AK3: variants seen among roughly 807,000 people sequenced by gnomAD.
AK3 encodes GTP:AMP phosphotransferase AK3, mitochondrial.
A neutral mutation model predicts 23.7 loss-of-function variants in AK3; 27 were observed. That is an observed-to-expected ratio of 1.14 (90% CI 0.84 to 1.57). The LOEUF (loss-of-function observed/expected upper bound fraction) is 1.57, where lower values mean the gene tolerates loss of function less well. Among genes scored for constraint, AK3 ranks in the 40% most tolerant of loss-of-function variants. The probability of loss-of-function intolerance (pLI) is 0.00; values close to 1 mark genes in which losing one functional copy is unlikely to be tolerated. For missense variants in AK3, 406 were observed against 285.6 expected, an observed-to-expected ratio of 1.42 and a Z score of -3.04; for synonymous variants, 159 against 116.0, an observed-to-expected ratio of 1.37 and a Z score of -2.38.
chr9:4,720,651 T>G (rs942067024), intron 2 of AK3, among the ~76,000 whole-genome samples: 1 of 149,026 alleles, frequency 6.7e-6, no homozygotes, highest in Non-Finnish European at 1.5e-5. Flanking sequence ...GATGACTCCA[T>G]TGCACTGCAG....
intron 1 of AK3, among the ~76,000 whole-genome samples, chr9:4,738,533 A>T (rs1338769925): frequency 6.6e-6 from 1 of 151,960 alleles, no homozygotes; most frequent in African/African-American, 2.4e-5. Flanking sequence ...ATAAAAAAGT[A>T]ACCTATCATT....
At position 4,712,860 on chromosome 9, in the gene AK3, AG is replaced by A; in HGVS notation, c.*115del. The A allele has an allele frequency of 8.5e-7, 1 of 1,177,126 alleles. No homozygotes were observed. Among genetic ancestry groups the A allele is most frequent in the Non-Finnish European group, 1.2e-6 (1 of 853,370 alleles). The allele number at this position is 1,177,126 out of a possible 1,614,324, so 72.9% of individuals were successfully genotyped here. ...CCAAAATAAAATCAGTAGAAATAAA[AG>A]TAATATAATTTTCAAAGAATTCATA... On this transcript the variant is annotated 3_prime_UTR_variant, in exon 5 of 5. Coordinates refer to ENST00000381809, the MANE Select transcript of AK3 (RefSeq NM_016282.4).
chr9:4,730,447 T>G (rs1212519723), intron 1 of AK3, among the ~76,000 whole-genome samples: 1 of 152,182 alleles, frequency 6.6e-6, no homozygotes, highest in Non-Finnish European at 1.5e-5. Flanking sequence ...GAGATAATTA[T>G]TATTAATGAT....
At chr9:4,740,620 C>T (rs923849534) in intron 1 of AK3, among the ~76,000 whole-genome samples, 2 of 152,232 alleles carry the variant, frequency 1.3e-5, no homozygotes, top group South Asian at 2.1e-4. Context: ...TCGATGGACC[C>T]CCAAGAGTGG....
chr9:4,719,045 A>AGG, intron 3 of AK3, 90 bp downstream of exon 3: 1 of 1,263,170 alleles, frequency 7.9e-7, no homozygotes, highest in South Asian at 1.4e-5. Flanking sequence ...TTTTGGTCAG[A>AGG]GGATTTCCAA....
intron 1 of AK3, among the ~76,000 whole-genome samples, chr9:4,731,495 G>A (rs1282837047): frequency 6.6e-6 from 1 of 150,586 alleles, no homozygotes; most frequent in Non-Finnish European, 1.5e-5. Flanking sequence ...TCTATATCAT[G>A]AACTTTCTAT....
chr9:4,711,325 A>T lies in AK3; in HGVS notation c.*1651T>A, dbSNP rs974799311. 1.4e-4 allele frequency: 21 copies of T among 152,554 alleles called. No homozygotes were observed. The highest frequency in any genetic ancestry group is 5.1e-4 in the African/African-American group (21 of 41,428). 9.5% of individuals were successfully genotyped at this position (152,554 alleles called of 1,614,324 possible). A position where few individuals can be genotyped will look rare whatever the true frequency, so the allele number is the denominator to read the frequency against. The stretch of plus-strand genomic sequence containing the variant: ...GATAAAGACTAATATATGCTTGATA[A>T]CCTAGTGATAATCCATAAGTTTGGT... On this transcript the variant is annotated 3_prime_UTR_variant, in exon 5 of 5. Coordinates refer to ENST00000381809, the MANE Select transcript of AK3 (RefSeq NM_016282.4).
intron 1 of AK3, among the ~76,000 whole-genome samples, chr9:4,730,979 G>A (rs1842139739): frequency 1.9e-5 from 2 of 106,298 alleles, no homozygotes; most frequent in South Asian, 2.9e-4. Context: ...CCCAGTTTCT[G>A]CTACCAGATC....
chr9:4,730,522 G>A (rs1842128645), intron 1 of AK3, among the ~76,000 whole-genome samples: 2 of 152,178 alleles, frequency 1.3e-5, no homozygotes, highest in African/African-American at 4.8e-5. Flanking sequence ...AGGATTGCTT[G>A]AGCCCAGGAG....
In AK3 at chr9:4,718,535, G is replaced by A. The variant is rs1476497566; in HGVS notation, c.447C>T (p.Gly149=). The A allele has an allele frequency of 6.2e-7, 1 of 1,601,864 alleles. No individual in the cohort carries two copies. Among genetic ancestry groups the A allele is most frequent in the Admixed American group, 1.7e-5 (1 of 59,962 alleles). ...NIEFNPPKTV[G]IDDLTGEPLI... ...GAGGCTCCCCAGTCAGGTCATCAAT[G>A]CCCTAAACAGGATTAGAAGAGACTA... The change falls in exon 4 of 5, where the codon GGC becomes GGT. Residue 149 remains glycine (G), a splice_region_variant and synonymous_variant. Coordinates refer to ENST00000381809, the MANE Select transcript of AK3 (RefSeq NM_016282.4).
intron 1 of AK3, among the ~76,000 whole-genome samples, chr9:4,738,600 AAAAAAG>A (rs975974743): frequency 3.7e-5 from 5 of 134,922 alleles, no homozygotes; most frequent in African/African-American, 1.3e-4. Context: ...CAACAGAAAT[AAAAAAG>A]AAAAAGAAAA....
Position 4,719,135 on chromosome 9 carries a change from C to A in AK3, c.444G>T (p.Val148=). The A allele has an allele frequency of 1.2e-6, 2 of 1,611,768 alleles. No individual in the cohort carries two copies. Among genetic ancestry groups the A allele is most frequent in the African/African-American group, 1.3e-5 (1 of 74,892 alleles). The change falls in exon 3 of 5, where the codon GTG becomes GTT. Residue 148 remains valine, a splice_region_variant and synonymous_variant. Coordinates refer to ENST00000381809, the MANE Select transcript of AK3 (RefSeq NM_016282.4). ...TGACAGTTCCACAACAACTACTCAC[C>A]ACAGTTTTGGGAGGGTTGAATTCAA... ...YNIEFNPPKT[V]GIDDLTGEPL... is the part of the protein sequence containing the mutation.
intron 1 of AK3, among the ~76,000 whole-genome samples, chr9:4,733,522 G>A (rs562649702): frequency 2.6e-5 from 4 of 152,252 alleles, no homozygotes; most frequent in Admixed American, 2.0e-4. Flanking sequence ...ATACTCTGAT[G>A]CATGGAATAT....
At chr9:4,733,992 C>G (rs12156500) in intron 1 of AK3, among the ~76,000 whole-genome samples, 1 of 152,114 alleles carries the variant, frequency 6.6e-6, no homozygotes, top group East Asian at 1.9e-4. Context: ...CTCCAATGAC[C>G]GTGTTTACAT....
rs71326127 is a variant in AK3, at chr9:4,729,015, A to ATAT, written c.152-6391_152-6390insATA. Among the ~76,000 whole-genome samples, 285 of 129,424 alleles carry ATAT rather than the reference A, an allele frequency of 2.2e-3. 6 individuals are homozygous for ATAT. The highest frequency in any genetic ancestry group is 5.5e-3 in the African/African-American group (186 of 34,018). 84.9% of individuals were successfully genotyped at this position (129,424 alleles called of 152,430 possible). On this transcript the variant is annotated intron_variant, in intron 1 of 4. Transcript: ENST00000381809. ...CACACACACATATATATATATATAT[A>ATAT]TTTTTTTTTTTTGAGACGGAATTTT... is the stretch of plus-strand genomic sequence containing the variant.
intron 4 of AK3, among the ~76,000 whole-genome samples, chr9:4,714,120 C>CCACATAATACACCTA (rs1841650380): frequency 3.0e-5 from 1 of 33,308 alleles, no homozygotes; most frequent in African/African-American, 1.8e-4. Context: ...ATACACACCT[C>CCACATAATACACCTA]CACATATACA....
intron 1 of AK3, among the ~76,000 whole-genome samples, chr9:4,726,494 G>A (rs1472856291): frequency 6.6e-6 from 1 of 152,068 alleles, no homozygotes; most frequent in Non-Finnish European, 1.5e-5. Flanking sequence ...AAGAAACCAC[G>A]TTCTTTGCTC....
At chr9:4,728,886 C>CATACATACATATATAT (rs71326126) in intron 1 of AK3, among the ~76,000 whole-genome samples, 13 of 140,152 alleles carry the variant, frequency 9.3e-5, no homozygotes, top group South Asian at 8.8e-4. Context: ...CACACACATA[C>CATACATACATATATAT]ATATATATAC....
At chr9:4,713,510 T>A (rs1044084544) in intron 4 of AK3, among the ~76,000 whole-genome samples, 4 of 152,178 alleles carry the variant, frequency 2.6e-5, no homozygotes, top group African/African-American at 9.7e-5. Context: ...AAACAGGACC[T>A]ATAAGATACC....
Sources: gnomAD v4.1 joint callset for allele counts (sites outside exome capture counted in the v4.1 genomes callset) on GRCh38, gnomAD v4.1.1 for gene constraint, MANE v1.5 for transcripts, NCBI Gene and HGNC (gene_info 2026-07-23, HGNC 2026-07-21) for gene names.